Variants in ADCY5 observed in about 807,000 individuals in gnomAD.
ADCY5 encodes the protein adenylate cyclase 5.
ADCY5 carries 30 observed loss-of-function variants against 119.7 expected under a neutral mutation model. The ratio of observed to expected loss-of-function variants is 0.25; its 90% CI spans 0.19 to 0.34. The LOEUF (loss-of-function observed/expected upper bound fraction) is 0.34. Among genes scored for constraint, ADCY5 ranks in the 10% least tolerant of loss-of-function variants. The probability of loss-of-function intolerance (pLI) is 1.00; values close to 1 mark genes in which losing one functional copy is unlikely to be tolerated. For synonymous variants in ADCY5, 753 were observed against 762.2 expected (o/e 0.99, Z 0.20); for missense variants, 1,324 against 1,775.2 (o/e 0.75, Z 4.57).
chr3:123,289,639 C>T, intron 19 of ADCY5, 111 bp downstream of exon 19: 1 of 1,311,100 alleles, frequency 7.6e-7, no homozygotes, highest in Non-Finnish European at 1.1e-6. Flanking sequence ...TGCCGCCTGG[C>T]CTTCTACCTT....
chr3:123,415,348 C>T (rs1242574384), intron 1 of ADCY5, among the ~76,000 whole-genome samples: 1 of 152,164 alleles, frequency 6.6e-6, no homozygotes, highest in Non-Finnish European at 1.5e-5. Flanking sequence ...ACTAGTACCA[C>T]CTCCACGCCA....
intron 1 of ADCY5, among the ~76,000 whole-genome samples, chr3:123,419,742 G>A (rs11927367): frequency 0.3 from 46,140 of 151,540 alleles, 7,062 homozygotes; most frequent in Admixed American, 0.36. Flanking sequence ...CTCTTGCTGC[G>A]CGGCCCCTCT....
At chr3:123,346,614 TCTCTCTCTC>T (rs1942572270) in intron 3 of ADCY5, among the ~76,000 whole-genome samples, 1 of 54,250 alleles carries the variant, frequency 1.8e-5, no homozygotes, top group Non-Finnish European at 5.1e-5. Context: ...ACCTTCTCTC[TCTCTCTCTC>T]TCTCTCTCTC....
chr3:123,408,345 G>GT (rs1189685498), intron 1 of ADCY5, among the ~76,000 whole-genome samples: 7,502 of 140,602 alleles, frequency 0.053, 325 homozygotes, highest in African/African-American at 0.11. Context: ...TACGTTTTTT[G>GT]TTTTTTTTTT....
At chr3:123,404,789 C>T (rs929855885) in intron 1 of ADCY5, among the ~76,000 whole-genome samples, 1 of 152,216 alleles carries the variant, frequency 6.6e-6, no homozygotes, top group African/African-American at 2.4e-5. Flanking sequence ...GGCTCACTAC[C>T]TTGGCCAGCA....
chr3:123,301,490 G>C (rs1576541410), intron 14 of ADCY5, among the ~76,000 whole-genome samples: 1 of 152,242 alleles, frequency 6.6e-6, no homozygotes, highest in African/African-American at 2.4e-5. Context: ...AGCCAGCTTG[G>C]ATTCCCATTC....
At chr3:123,439,579 G>GA (rs1945687717) in intron 1 of ADCY5, among the ~76,000 whole-genome samples, 1 of 152,056 alleles carries the variant, frequency 6.6e-6, no homozygotes, top group African/African-American at 2.4e-5. Flanking sequence ...AGATATACAG[G>GA]AAAAAAACAT....
chr3:123,355,550 G>A (rs1320364488), intron 1 of ADCY5, among the ~76,000 whole-genome samples: 10 of 151,870 alleles, frequency 6.6e-5, no homozygotes, highest in Non-Finnish European at 1.3e-4. Flanking sequence ...ATCCCCAGGG[G>A]GTCCTGGAAC....
intron 1 of ADCY5, among the ~76,000 whole-genome samples, chr3:123,368,448 T>A (rs937035580): frequency 6.6e-6 from 1 of 152,084 alleles, no homozygotes; most frequent in Non-Finnish European, 1.5e-5. Context: ...ATACAAAAAA[T>A]TAGCTGGGCA....
In ADCY5 at chr3:123,310,082, G is replaced by A. The variant is rs192726153; in HGVS notation, c.2442+4153C>T. Among the ~76,000 whole-genome samples the A allele has an allele frequency of 1.0e-3, 140 of 139,174 alleles. 1 individual carries two copies. The highest frequency in any genetic ancestry group is 3.6e-3 in the African/African-American group (134 of 37,586). The allele number at this position is 139,174 out of a possible 152,430, so 91.3% of individuals were successfully genotyped here. A position where few individuals can be genotyped will look rare whatever the true frequency, so the allele number is the denominator to read the frequency against. ...CAAAAGAAAAGCAAGCCATCAGGCT[G>A]GGGGATAAGAGAGAGAGATTTACAC... On this transcript the variant is annotated intron_variant, in intron 12 of 20. Transcript: ENST00000462833.
intron 1 of ADCY5, among the ~76,000 whole-genome samples, chr3:123,384,853 G>C (rs1174589927): frequency 6.6e-6 from 1 of 152,062 alleles, no homozygotes; most frequent in Non-Finnish European, 1.5e-5. Flanking sequence ...TTTGTCCTAG[G>C]ACCCCTCGGC....
chr3:123,418,383 G>A (rs1041048643), intron 1 of ADCY5, among the ~76,000 whole-genome samples: 2 of 152,212 alleles, frequency 1.3e-5, no homozygotes, highest in Non-Finnish European at 2.9e-5. Context: ...CTGAGACTGG[G>A]TAATTTAGAA....
intron 12 of ADCY5, among the ~76,000 whole-genome samples, 180 bp from the exon 13 acceptor site, chr3:123,304,363 T>C (rs1369841174): frequency 1.3e-5 from 2 of 152,036 alleles, no homozygotes; most frequent in Admixed American, 6.5e-5. Context: ...CGCTGCACCA[T>C]TGCTTCCAGG....
At chr3:123,297,165 T>G in intron 16 of ADCY5, 188 bp downstream of exon 16, 1 of 1,362,364 alleles carries the variant, frequency 7.3e-7, no homozygotes, top group Non-Finnish European at 1.0e-6. Flanking sequence ...ATCATGAAAG[T>G]GACCAGGGCC....
At chr3:123,372,115 T>C (rs540377504) in intron 1 of ADCY5, among the ~76,000 whole-genome samples, 2 of 152,300 alleles carry the variant, frequency 1.3e-5, no homozygotes, top group Admixed American at 1.3e-4. Flanking sequence ...GGAGCCCTGG[T>C]TGTCTCCTGA....
At chr3:123,321,818 C>T (rs190464345) in intron 8 of ADCY5, among the ~76,000 whole-genome samples, 1 of 152,198 alleles carries the variant, frequency 6.6e-6, no homozygotes, top group Non-Finnish European at 1.5e-5. Context: ...AGACATGGGG[C>T]CCTGGTGGTA....
chr3:123,432,539 AT>A (rs991811191), intron 1 of ADCY5, among the ~76,000 whole-genome samples: 1 of 151,946 alleles, frequency 6.6e-6, no homozygotes, highest in Non-Finnish European at 1.5e-5. Context: ...ATTTTTATTT[AT>A]TTTTTTATTT....
intron 1 of ADCY5, among the ~76,000 whole-genome samples, chr3:123,386,618 G>A (rs1023248001): frequency 4.6e-5 from 7 of 151,964 alleles, no homozygotes; most frequent in East Asian, 1.9e-4. Context: ...ACCATACCCC[G>A]ACCCTCCCTC....
intron 1 of ADCY5, among the ~76,000 whole-genome samples, chr3:123,389,819 T>C (rs1311746726): frequency 6.6e-6 from 1 of 152,188 alleles, no homozygotes; most frequent in Non-Finnish European, 1.5e-5. Flanking sequence ...CAAAAACTAA[T>C]TTAACGGACA....
Sources: gnomAD v4.1 joint callset for allele counts (sites outside exome capture counted in the v4.1 genomes callset) on GRCh38, gnomAD v4.1.1 for gene constraint, MANE v1.5 for transcripts, NCBI Gene and HGNC (gene_info 2026-07-23, HGNC 2026-07-21) for gene names.